DCDC2: variants seen among roughly 807,000 people sequenced by gnomAD.
DCDC2 encodes the protein doublecortin domain-containing protein 2.
A neutral mutation model predicts 50.2 loss-of-function variants in DCDC2; 40 were observed. The ratio of observed to expected loss-of-function variants is 0.80; its 90% CI spans 0.62 to 1.04. DCDC2 has a LOEUF of 1.04. Among genes scored for constraint, DCDC2 ranks in the 50% least tolerant of loss-of-function variants. The pLI is 0.00. For synonymous variants in DCDC2, 234 were observed against 210.6 expected, an observed-to-expected ratio of 1.11 and a Z score of -0.96; for missense variants, 570 against 581.9, an observed-to-expected ratio of 0.98 and a Z score of 0.21.
chr6:24,296,560 A>C (rs1344997057), intron 4 of DCDC2, among the ~76,000 whole-genome samples: 2 of 152,232 alleles, frequency 1.3e-5, no homozygotes, highest in East Asian at 3.8e-4. Context: ...AAACTTTTGC[A>C]AACTATGCAT....
intron 7 of DCDC2, among the ~76,000 whole-genome samples, chr6:24,229,362 C>T (rs1432425372): frequency 1.3e-5 from 2 of 152,174 alleles, no homozygotes; most frequent in Non-Finnish European, 2.9e-5. Context: ...CTGCTTCTAA[C>T]TCTTCTACCT....
rs565904793 is a variant in DCDC2, at chr6:24,340,607, T to C, written c.348+12962A>G. On this transcript the variant is annotated intron_variant, in intron 2 of 9. Coordinates refer to ENST00000378454, the MANE Select transcript of DCDC2 (RefSeq NM_016356.5). ...CTAGCTAATGCAAAATTTGTAATAC[T>C]GGAAATCTAGTTATCCACTCGTTTC... 1.2e-3 allele frequency among the ~76,000 whole-genome samples: 183 copies of C among 152,316 alleles called. 6 individuals are homozygous for C. In the South Asian group the frequency reaches 0.036, roughly 30 times the overall value.
intron 7 of DCDC2, among the ~76,000 whole-genome samples, chr6:24,268,733 G>C (rs543815361): frequency 6.6e-6 from 1 of 151,880 alleles, no homozygotes; most frequent in Admixed American, 6.6e-5. Context: ...CACTATGCCC[G>C]GCTAATTTTT....
In DCDC2 at chr6:24,237,031, A is replaced by T. The variant is rs1087288; in HGVS notation, c.923-31929T>A. Among the ~76,000 whole-genome samples the T allele has an allele frequency of 3.0e-4, 45 of 151,042 alleles. No homozygotes were observed. In the East Asian group the frequency reaches 8.4e-3, roughly 28 times the overall value. Reference sequence around the variant, plus strand: ...ACTCAAAAAAAAAAAGAAGAAGTGGACAAAGGACATGAATAGACACTCACC... The same window carrying T: ...ACTCAAAAAAAAAAAGAAGAAGTGGTCAAAGGACATGAATAGACACTCACC... On this transcript the variant is annotated intron_variant, in intron 7 of 9. Coordinates refer to ENST00000378454, the MANE Select transcript of DCDC2 (RefSeq NM_016356.5).
chr6:24,377,532 CA>C, the DCDC2 span, among the ~76,000 whole-genome samples: 3 of 152,102 alleles, frequency 2.0e-5, no homozygotes, highest in Non-Finnish European at 2.9e-5. Flanking sequence ...CATTATACTT[CA>C]AAAAAGACTG....
intron 2 of DCDC2, among the ~76,000 whole-genome samples, chr6:24,331,131 T>C (rs1759957478): frequency 6.6e-6 from 1 of 152,180 alleles, no homozygotes; most frequent in Non-Finnish European, 1.5e-5. Context: ...CTATAAAATC[T>C]TTCCTATCTA....
chr6:24,250,239 G>A (rs535796051), intron 7 of DCDC2, among the ~76,000 whole-genome samples: 7 of 152,240 alleles, frequency 4.6e-5, no homozygotes, highest in African/African-American at 1.2e-4. Context: ...AGTACAAATC[G>A]GTAACCTAAA....
intron 6 of DCDC2, among the ~76,000 whole-genome samples, chr6:24,283,952 C>T (rs533276363): frequency 6.6e-6 from 1 of 152,190 alleles, no homozygotes; most frequent in Non-Finnish European, 1.5e-5. Flanking sequence ...AGCACCCTCT[C>T]TCACTTCCTC....
intron 2 of DCDC2, among the ~76,000 whole-genome samples, chr6:24,310,826 G>A (rs1759558018): frequency 6.6e-6 from 1 of 151,774 alleles, no homozygotes; most frequent in African/African-American, 2.4e-5. Flanking sequence ...TTTTTTCAAA[G>A]CAGTTGCAAG....
At chr6:24,274,430 A>G (rs1763304881) in intron 7 of DCDC2, among the ~76,000 whole-genome samples, 1 of 152,136 alleles carries the variant, frequency 6.6e-6, no homozygotes, top group African/African-American at 2.4e-5. Context: ...TGGCCAGTTA[A>G]GCTGGTATTT....
chr6:24,268,942 C>T (rs534137595), intron 7 of DCDC2, among the ~76,000 whole-genome samples: 2 of 152,168 alleles, frequency 1.3e-5, no homozygotes, highest in Admixed American at 6.5e-5. Flanking sequence ...TATTATCATC[C>T]AATTGTATAA....
intron 2 of DCDC2, among the ~76,000 whole-genome samples, chr6:24,342,509 G>A (rs1760178278): frequency 6.6e-6 from 1 of 152,194 alleles, no homozygotes; most frequent in Admixed American, 6.5e-5. Flanking sequence ...GCTTCCACAG[G>A]AAGGCTCTGA....
intron 2 of DCDC2, among the ~76,000 whole-genome samples, chr6:24,333,392 A>G (rs913429943): frequency 2.0e-5 from 3 of 152,182 alleles, no homozygotes; most frequent in Admixed American, 2.0e-4. Flanking sequence ...TATCTTTCAG[A>G]CTTCTATTGA....
intron 7 of DCDC2, among the ~76,000 whole-genome samples, chr6:24,234,782 C>A (rs1762409255): frequency 6.6e-6 from 1 of 151,820 alleles, no homozygotes. Flanking sequence ...GTCTTTGGAC[C>A]CCAAAAAATG....
intron 8 of DCDC2, among the ~76,000 whole-genome samples, chr6:24,180,347 C>A (rs189560889): frequency 2.0e-5 from 3 of 151,878 alleles, no homozygotes; most frequent in Non-Finnish European, 4.4e-5. Flanking sequence ...TGCAGTGGTG[C>A]GATCTCTGCT....
chr6:24,272,516 C>CA (rs1763259179), intron 7 of DCDC2, among the ~76,000 whole-genome samples: 1 of 151,980 alleles, frequency 6.6e-6, no homozygotes, highest in African/African-American at 2.4e-5. Flanking sequence ...AATTCAACAA[C>CA]AAAAAATAAT....
intron 7 of DCDC2, among the ~76,000 whole-genome samples, chr6:24,251,094 A>T (rs1315894986): frequency 6.6e-6 from 1 of 152,206 alleles, no homozygotes; most frequent in Non-Finnish European, 1.5e-5. Flanking sequence ...ATGACACAGT[A>T]GGAAGAAGCT....
chr6:24,325,471 C>T lies in DCDC2; in HGVS notation c.349-23427G>A, dbSNP rs144788122. 3.7e-4 allele frequency among the ~76,000 whole-genome samples: 55 copies of T among 149,564 alleles called. 7 individuals are homozygous for T. Among genetic ancestry groups the T allele is most frequent in the East Asian group, 2.2e-3 (10 of 4,456 alleles). On this transcript the variant is annotated intron_variant, in intron 2 of 9. Coordinates refer to ENST00000378454, the MANE Select transcript of DCDC2 (RefSeq NM_016356.5). ...TTATTGTCTTCTCTAAGAAACTAAACGTCCCTCACATGCTTGAAGATGTCG... is the reference window on the plus strand; with the variant it reads ...TTATTGTCTTCTCTAAGAAACTAAATGTCCCTCACATGCTTGAAGATGTCG...
intron 7 of DCDC2, among the ~76,000 whole-genome samples, chr6:24,246,866 C>A (rs1762688772): frequency 2.0e-5 from 3 of 152,098 alleles, no homozygotes; most frequent in Admixed American, 2.0e-4. Flanking sequence ...TTTCTAATAT[C>A]CACATACGAG....
Sources: gnomAD v4.1 joint callset for allele counts (sites outside exome capture counted in the v4.1 genomes callset) on GRCh38, gnomAD v4.1.1 for gene constraint, MANE v1.5 for transcripts, NCBI Gene and HGNC (gene_info 2026-07-23, HGNC 2026-07-21) for gene names.